Variants in CENPW observed in about 807,000 individuals in gnomAD.
The protein encoded by CENPW is cancer-up-regulated gene 2 protein.
In CENPW, 3 loss-of-function variants were observed where a neutral mutation model predicts 11.1. The observed-to-expected ratio is 0.27, with a 90% CI of 0.12 to 0.70. CENPW has a LOEUF of 0.70. Ranked by LOEUF, CENPW falls within the 30% of genes least tolerant of loss-of-function variation. The pLI, the probability that CENPW is intolerant of heterozygous loss-of-function variation, is 0.77. For synonymous variants in CENPW, 38 were observed against 42.0 expected (o/e 0.91, Z 0.37); for missense variants, 100 against 105.6 (o/e 0.95, Z 0.23).
At chr6:126,445,762 A>T in the CENPW span, among the ~76,000 whole-genome samples, 1 of 151,280 alleles carries the variant, frequency 6.6e-6, no homozygotes. Flanking sequence ...AAATTATTTT[A>T]GAGTTTCTTT....
the CENPW span, among the ~76,000 whole-genome samples, chr6:126,468,468 A>G: frequency 6.6e-6 from 1 of 151,214 alleles, no homozygotes; most frequent in Non-Finnish European, 1.5e-5. Flanking sequence ...TGGCAACTAA[A>G]TATGCAGTAT....
chr6:126,478,929 T>C, the CENPW span, among the ~76,000 whole-genome samples: 2 of 152,068 alleles, frequency 1.3e-5, no homozygotes, highest in Non-Finnish European at 2.9e-5. Context: ...ATAGGATTCA[T>C]TTGTGAAGAA....
the CENPW span, among the ~76,000 whole-genome samples, chr6:126,371,123 ATATTG>A: frequency 6.6e-6 from 1 of 152,148 alleles, no homozygotes; most frequent in Non-Finnish European, 1.5e-5. Context: ...TTCCAGTACT[ATATTG>A]AAAAGAAGTG....
At chr6:126,462,692 A>G in the CENPW span, among the ~76,000 whole-genome samples, 777 of 152,008 alleles carry the variant, frequency 5.1e-3, 4 homozygotes, top group Admixed American at 9.1e-3. Context: ...ATACTCTGCT[A>G]CACTCAAAAT....
At chr6:126,341,539 C>T (rs1780311510) in intron 1 of CENPW, among the ~76,000 whole-genome samples, 1 of 152,112 alleles carries the variant, frequency 6.6e-6, no homozygotes, top group Non-Finnish European at 1.5e-5. Context: ...CATTTTCCCC[C>T]AGAAAAGTAT....
the CENPW span, among the ~76,000 whole-genome samples, chr6:126,465,103 A>G: frequency 6.6e-6 from 1 of 152,146 alleles, no homozygotes; most frequent in Non-Finnish European, 1.5e-5. Context: ...GATCATTTAT[A>G]TAGAAAATCT....
the CENPW span, among the ~76,000 whole-genome samples, chr6:126,462,947 T>A: frequency 4.6e-5 from 7 of 152,172 alleles, no homozygotes; most frequent in Middle Eastern, 3.4e-3. Context: ...GGATATTGAT[T>A]TATCTAAAAC....
chr6:126,412,355 C>A, the CENPW span, among the ~76,000 whole-genome samples: 1 of 151,654 alleles, frequency 6.6e-6, no homozygotes, highest in Non-Finnish European at 1.5e-5. Context: ...TTATTTTCTC[C>A]CAGCAACTTA....
the CENPW span, among the ~76,000 whole-genome samples, chr6:126,457,135 C>T: frequency 2.8e-4 from 42 of 151,192 alleles, no homozygotes; most frequent in Non-Finnish European, 5.2e-4. Context: ...AGTAATGTAG[C>T]GATCTCCAAA....
chr6:126,389,529 A>G, the CENPW span, among the ~76,000 whole-genome samples: 1 of 151,812 alleles, frequency 6.6e-6, no homozygotes, highest in Admixed American at 6.6e-5. Context: ...ACTAGTTTAC[A>G]TTGTCAGGGC....
At chr6:126,399,731 A>G in the CENPW span, among the ~76,000 whole-genome samples, 1 of 152,066 alleles carries the variant, frequency 6.6e-6, no homozygotes, top group Non-Finnish European at 1.5e-5. Context: ...GTTCTTAAAT[A>G]TCAGTGGACA....
the CENPW span, among the ~76,000 whole-genome samples, chr6:126,473,212 T>C: frequency 6.6e-5 from 10 of 152,316 alleles, no homozygotes; most frequent in African/African-American, 2.4e-4. Context: ...AAAACATCTA[T>C]AAATGTTCAC....
chr6:126,444,238 G>T, the CENPW span, among the ~76,000 whole-genome samples: 1 of 150,582 alleles, frequency 6.6e-6, no homozygotes, highest in African/African-American at 2.4e-5. Flanking sequence ...ATTTATTTCA[G>T]AAAAGTTTTC....
chr6:126,386,097 T>G, the CENPW span, among the ~76,000 whole-genome samples: 2 of 152,044 alleles, frequency 1.3e-5, no homozygotes, highest in Admixed American at 1.3e-4. Flanking sequence ...GTTTCAAGAT[T>G]AGTAGGAGTT....
chr6:126,449,222 A>T, the CENPW span, among the ~76,000 whole-genome samples: 1 of 151,126 alleles, frequency 6.6e-6, no homozygotes. Context: ...ATGAGTAGAC[A>T]TATTCATTTC....
chr6:126,460,557 C>T, the CENPW span, among the ~76,000 whole-genome samples: 1 of 151,794 alleles, frequency 6.6e-6, no homozygotes, highest in Non-Finnish European at 1.5e-5. Flanking sequence ...GATTCTCCCT[C>T]ATCACTTAAG....
chr6:126,393,512 A>G, the CENPW span, among the ~76,000 whole-genome samples: 1 of 151,016 alleles, frequency 6.6e-6, no homozygotes, highest in Admixed American at 6.6e-5. Context: ...AAATTTTTCT[A>G]TTTCTTTCTT....
the CENPW span, among the ~76,000 whole-genome samples, chr6:126,395,172 CTT>C: frequency 6.6e-6 from 1 of 151,942 alleles, no homozygotes; most frequent in East Asian, 1.9e-4. Flanking sequence ...TATATTTGCC[CTT>C]TTGAGGCTAT....
chr6:126,391,187 C>A, the CENPW span, among the ~76,000 whole-genome samples: 1 of 151,548 alleles, frequency 6.6e-6, no homozygotes, highest in Non-Finnish European at 1.5e-5. Context: ...AGATTATATC[C>A]CTTTGTAGTT....
Sources: gnomAD v4.1 joint callset for allele counts (sites outside exome capture counted in the v4.1 genomes callset) on GRCh38, gnomAD v4.1.1 for gene constraint, MANE v1.5 for transcripts, NCBI Gene and HGNC (gene_info 2026-07-23, HGNC 2026-07-21) for gene names.